DNAH6: variants seen among roughly 807,000 people sequenced by gnomAD.
The protein encoded by DNAH6 is axonemal beta dynein heavy chain 6.
DNAH6 carries 340 observed loss-of-function variants against 491.4 expected under a neutral mutation model. The ratio of observed to expected loss-of-function variants is 0.69; its 90% CI spans 0.63 to 0.76. DNAH6 has a LOEUF of 0.76. Ranked by LOEUF, DNAH6 falls within the 30% of genes least tolerant of loss-of-function variation. DNAH6 has a pLI of 0.00. For synonymous variants in DNAH6, 1,603 were observed against 1,686.1 expected, an observed-to-expected ratio of 0.95 and a Z score of 1.21; for missense variants, 4,443 against 4,972.2, an observed-to-expected ratio of 0.89 and a Z score of 3.20.
chr2:84,580,446 G>GT (rs947015008), intron 14 of DNAH6, among the ~76,000 whole-genome samples: 1 of 152,020 alleles, frequency 6.6e-6, no homozygotes, highest in South Asian at 2.1e-4. Flanking sequence ...GGCTCCAATA[G>GT]TTTTTTCATA....
chr2:84,569,246 G>A (rs1681532740), intron 11 of DNAH6, among the ~76,000 whole-genome samples: 1 of 151,948 alleles, frequency 6.6e-6, no homozygotes, highest in South Asian at 2.1e-4. Context: ...TGATTTCCAG[G>A]ATATATTGTT....
At chr2:84,772,890 G>A (rs547232204) in intron 64 of DNAH6, among the ~76,000 whole-genome samples, 5 of 151,856 alleles carry the variant, frequency 3.3e-5, no homozygotes, top group Non-Finnish European at 4.4e-5. Context: ...TAGTTTATAC[G>A]TCAGGCCACA....
In DNAH6 at chr2:84,621,229, A is replaced by G; in HGVS notation, c.3831A>G (p.Val1277=). 3.9e-6 allele frequency: 6 copies of G among 1,551,628 alleles called. No individual in the cohort carries two copies. Among genetic ancestry groups the G allele is most frequent in the Non-Finnish European group, 4.4e-6 (5 of 1,146,878 alleles). ...LGKGLKARGN[V]EEWLGKVEEA... is the part of the protein sequence containing the mutation. The stretch of plus-strand genomic sequence containing the variant: ...AAGGCCTCAAGGCCCGAGGCAATGT[A>G]GAGGAATGGCTTGGTAAAGTGGAAG... The change falls in exon 25 of 77, where the codon GTA becomes GTG. Residue 1277 remains valine, a synonymous_variant. Transcript: ENST00000389394.
At position 84,681,476 on chromosome 2, in the gene DNAH6, C is replaced by G; in HGVS notation, c.6864C>G (p.Pro2288=). Residue 2288 remains proline, a synonymous_variant, in exon 42 of 77, where the codon CCC becomes CCG. Transcript: ENST00000389394. ...NKMSVDLLPT[P]AKSHYVFNLR... The stretch of plus-strand genomic sequence containing the variant: ...TGAGTGTTGACCTCCTGCCAACACC[C>G]GCCAAGTCCCATTATGTCTTTAACT... The G allele has an allele frequency of 6.4e-7, 1 of 1,551,108 alleles. No individual in the cohort carries two copies. Among genetic ancestry groups the G allele is most frequent in the South Asian group, 1.2e-5 (1 of 83,884 alleles).
Position 84,796,315 on chromosome 2 carries a change from C to A in DNAH6, c.11249C>A (p.Thr3750Asn). 1 of 1,484,710 alleles carries A rather than the reference C, an allele frequency of 6.7e-7. No homozygotes were observed. Among genetic ancestry groups the A allele is most frequent in the Non-Finnish European group, 9.0e-7 (1 of 1,114,332 alleles). The allele number at this position is 1,484,710 out of a possible 1,614,324, so 92.0% of individuals were successfully genotyped here. A position where few individuals can be genotyped will look rare whatever the true frequency, so the allele number is the denominator to read the frequency against. ...DALIYITGEI[T>N]YGGRVTDSWD... is the part of the protein sequence containing the mutation. The stretch of plus-strand genomic sequence containing the variant: ...ACAAATTTCTTTTCAGGTGAAATTA[C>A]TTATGGTGGTAGAGTCACAGACAGC... Residue 3750 changes from threonine to asparagine, a missense_variant, in exon 69 of 77, where the codon ACT (threonine) becomes AAT (asparagine). Thr to Asn is a moderately conservative substitution (Grantham distance 65). Transcript: ENST00000389394.
intron 44 of DNAH6, among the ~76,000 whole-genome samples, chr2:84,687,803 C>T (rs1694423887): frequency 6.6e-6 from 1 of 152,174 alleles, no homozygotes; most frequent in East Asian, 1.9e-4. Context: ...ATTTCATTCT[C>T]AACAATTTAG....
At chr2:84,776,114 A>C (rs1676094763) in intron 64 of DNAH6, among the ~76,000 whole-genome samples, 1 of 152,250 alleles carries the variant, frequency 6.6e-6, no homozygotes. Flanking sequence ...TCACAAAATA[A>C]GATCCTTTGG....
At chr2:84,654,183 T>A (rs900089764) in intron 34 of DNAH6, among the ~76,000 whole-genome samples, 1 of 151,946 alleles carries the variant, frequency 6.6e-6, no homozygotes, top group Non-Finnish European at 1.5e-5. Context: ...CATTTTAAAT[T>A]AAAAATTATT....
At chr2:84,574,824 C>A (rs1682265032) in intron 12 of DNAH6, among the ~76,000 whole-genome samples, 1 of 152,216 alleles carries the variant, frequency 6.6e-6, no homozygotes, top group Non-Finnish European at 1.5e-5. Flanking sequence ...AATCCCTGAG[C>A]TCTTCTACTC....
chr2:84,471,699 TC>T, the DNAH6 span, among the ~76,000 whole-genome samples: 19 of 152,298 alleles, frequency 1.2e-4, no homozygotes, highest in Middle Eastern at 3.4e-3. Flanking sequence ...CTTGAGGGCA[TC>T]CACGTGGTTC....
chr2:84,494,958 A>T, the DNAH6 span, among the ~76,000 whole-genome samples: 778 of 152,286 alleles, frequency 5.1e-3, 17 homozygotes, highest in East Asian at 0.087. Flanking sequence ...TAGTCAATGG[A>T]TCACACCTTG....
chr2:84,563,738 T>G (rs1680895142), intron 11 of DNAH6, among the ~76,000 whole-genome samples: 1 of 152,196 alleles, frequency 6.6e-6, no homozygotes, highest in African/African-American at 2.4e-5. Context: ...TTCCAATTGT[T>G]TTTGCAAACA....
rs948027864 is a variant in DNAH6 at position 84,677,070 on chromosome 2, C to T, written c.6678C>T (p.Phe2226=). Residue 2226 remains phenylalanine, a synonymous_variant, in exon 41 of 77, where the codon TTC becomes TTT. Transcript: ENST00000389394. The part of the protein sequence containing the change: ...GGGRNPVTPR[F]IRHFSMLCLP... ...GCCGCAACCCTGTGACTCCCCGCTT[C>T]ATCAGACACTTCAGCATGCTGTGCC... The T allele has an allele frequency of 1.9e-6, 3 of 1,551,782 alleles. No homozygotes were observed. The highest frequency in any genetic ancestry group is 2.6e-6 in the Non-Finnish European group (3 of 1,146,982).
At position 84,706,880 on chromosome 2, in the gene DNAH6, T is replaced by G. The variant is rs1696509636; in HGVS notation, c.8728-16T>G. On this transcript the variant is annotated splice_polypyrimidine_tract_variant and intron_variant, in intron 52 of 76. Transcript: ENST00000389394. ...TTTTTTGGCCCTGTTCTTAAACAGT[T>G]GCTTGATTTTATTAGGCTGAACTTG... 1 of 1,532,054 alleles carries G rather than the reference T, an allele frequency of 6.5e-7. No homozygotes were observed. The highest frequency in any genetic ancestry group is 1.4e-5 in the African/African-American group (1 of 72,032). The allele number at this position is 1,532,054 out of a possible 1,614,324, so 94.9% of individuals were successfully genotyped here.
intron 7 of DNAH6, 118 bp downstream of exon 7, chr2:84,547,730 C>G (rs1678916568): frequency 3.8e-6 from 4 of 1,053,358 alleles, no homozygotes; most frequent in Non-Finnish European, 5.4e-6. Flanking sequence ...TTGTTCCAAA[C>G]ATTTGATGGA....
At position 84,689,978 on chromosome 2, in the gene DNAH6, T is replaced by C. The variant is rs140318850; in HGVS notation, c.7292+1385T>C. On this transcript the variant is annotated intron_variant, in intron 45 of 76. Transcript: ENST00000389394. ...TCTCCAGGCAAAATTATCCCACATC[T>C]TTCTTATTGCGTGTTGGAGATTATT... Among the ~76,000 whole-genome samples, 34 of 152,358 alleles carry C rather than the reference T, an allele frequency of 2.2e-4. No homozygotes were observed. In the East Asian group the frequency reaches 5.0e-3, roughly 22 times the overall value.
At chr2:84,808,653 T>A in intron 72 of DNAH6, 111 bp downstream of exon 72, 1 of 1,096,038 alleles carries the variant, frequency 9.1e-7, no homozygotes, top group Non-Finnish European at 1.3e-6. Context: ...TTGGATACAC[T>A]AACAACTCTT....
chr2:84,809,142 C>T (rs73946013), intron 72 of DNAH6, among the ~76,000 whole-genome samples: 1,732 of 152,352 alleles, frequency 0.011, 36 homozygotes, highest in African/African-American at 0.04. Flanking sequence ...TTTCTCTCTG[C>T]ATTGCCTTGC....
the DNAH6 span, among the ~76,000 whole-genome samples, chr2:84,468,716 A>G: frequency 1.6e-4 from 24 of 152,332 alleles, no homozygotes; most frequent in African/African-American, 5.3e-4. Context: ...GAGCTACAGC[A>G]TGGGGCAGTC....
Sources: gnomAD v4.1 joint callset for allele counts (sites outside exome capture counted in the v4.1 genomes callset) on GRCh38, gnomAD v4.1.1 for gene constraint, MANE v1.5 for transcripts, NCBI Gene and HGNC (gene_info 2026-07-23, HGNC 2026-07-21) for gene names.